The following CAST variants were observed in gnomAD, a reference collection of about 807,000 sequenced individuals.
The protein encoded by CAST is MIR583 host.
In CAST, 76 loss-of-function variants were observed where a neutral mutation model predicts 119.6. The ratio of observed to expected loss-of-function variants is 0.64; its 90% CI spans 0.53 to 0.77. The LOEUF (loss-of-function observed/expected upper bound fraction) is 0.77, where lower values mean the gene tolerates loss of function less well. CAST is among the 30% of genes least tolerant of loss of function. The probability of loss-of-function intolerance (pLI) is 0.00; values close to 1 mark genes in which losing one functional copy is unlikely to be tolerated. For synonymous variants in CAST, 319 were observed against 331.6 expected (o/e 0.96, Z 0.41); for missense variants, 953 against 946.5 (o/e 1.01, Z -0.09).
At chr5:96,408,139 AC>A in the CAST span, 1 of 954,012 alleles carries the variant, frequency 1.0e-6, no homozygotes, top group Non-Finnish European at 1.7e-6. Context: ...TTCTCCTGTA[AC>A]CATGTATTCA....
At chr5:96,061,681 A>G in the CAST span, among the ~76,000 whole-genome samples, 1 of 151,518 alleles carries the variant, frequency 6.6e-6, no homozygotes, top group East Asian at 1.9e-4. Context: ...GTGTGTGTGT[A>G]AAGAGAAGTA....
At chr5:96,164,248 AAAG>A in the CAST span, among the ~76,000 whole-genome samples, 5 of 152,364 alleles carry the variant, frequency 3.3e-5, no homozygotes, top group African/African-American at 1.2e-4. Flanking sequence ...GAAAGAATAG[AAAG>A]AATAAAAGCA....
intron 1 of CAST, among the ~76,000 whole-genome samples, chr5:96,570,542 AAG>A (rs1340797825): frequency 6.6e-6 from 1 of 152,148 alleles, no homozygotes; most frequent in Non-Finnish European, 1.5e-5. Context: ...AATAGAGATG[AAG>A]AAGGGATGGA....
chr5:96,264,830 T>C, the CAST span, among the ~76,000 whole-genome samples: 2 of 152,262 alleles, frequency 1.3e-5, no homozygotes, highest in Non-Finnish European at 2.9e-5. Flanking sequence ...TGACTCCATG[T>C]ATGTGAGATT....
At chr5:96,392,786 A>G in the CAST span, 2 of 606,698 alleles carry the variant, frequency 3.3e-6, no homozygotes, top group Admixed American at 2.9e-5. Flanking sequence ...GACAGGAAAG[A>G]TGTGTTTTGA....
At chr5:96,348,865 A>G in the CAST span, among the ~76,000 whole-genome samples, 1 of 152,156 alleles carries the variant, frequency 6.6e-6, no homozygotes, top group Non-Finnish European at 1.5e-5. Context: ...TGCCACTTCT[A>G]TCAAAAGGGC....
At chr5:96,129,105 C>T in the CAST span, among the ~76,000 whole-genome samples, 14 of 152,068 alleles carry the variant, frequency 9.2e-5, no homozygotes, top group Admixed American at 8.5e-4. Flanking sequence ...ATTTTGCACT[C>T]TTCTCTATCC....
At chr5:96,292,825 A>G in the CAST span, among the ~76,000 whole-genome samples, 1 of 152,184 alleles carries the variant, frequency 6.6e-6, no homozygotes, top group East Asian at 1.9e-4. Context: ...AGGGATAGGG[A>G]GCGACACTTA....
chr5:96,068,591 T>TTATGTGTG, the CAST span, among the ~76,000 whole-genome samples: 18 of 120,284 alleles, frequency 1.5e-4, no homozygotes, highest in African/African-American at 5.8e-4. Context: ...ACCAATAGGA[T>TTATGTGTG]TATGTGTGTG....
the CAST span, among the ~76,000 whole-genome samples, chr5:96,479,977 G>T: frequency 6.6e-6 from 1 of 152,076 alleles, no homozygotes; most frequent in Non-Finnish European, 1.5e-5. Context: ...TCTGTGGGGA[G>T]AGGGGATTCT....
At chr5:96,677,394 G>C (rs1049331097) in intron 2 of CAST, among the ~76,000 whole-genome samples, 18 of 152,242 alleles carry the variant, frequency 1.2e-4, no homozygotes, top group Admixed American at 1.0e-3. Context: ...AGGCATTATT[G>C]GTATGTAACA....
chr5:96,610,206 T>C (rs1249176701), intron 1 of CAST, among the ~76,000 whole-genome samples: 2 of 152,214 alleles, frequency 1.3e-5, no homozygotes, highest in Non-Finnish European at 2.9e-5. Flanking sequence ...TCTTTATTTA[T>C]CTTCCACCAT....
chr5:96,400,302 AGTTAT>A, the CAST span: 1 of 748,842 alleles, frequency 1.3e-6, no homozygotes, highest in African/African-American at 1.7e-5. Context: ...TTGCTATTGT[AGTTAT>A]GTTATTCTAG....
chr5:96,242,684 T>A, the CAST span, among the ~76,000 whole-genome samples: 12 of 152,216 alleles, frequency 7.9e-5, no homozygotes, highest in Non-Finnish European at 1.6e-4. Flanking sequence ...AGTTTCTAAA[T>A]CTGAAGGTGA....
At chr5:96,705,907 C>T (rs1014239340) in intron 3 of CAST, among the ~76,000 whole-genome samples, 2 of 152,162 alleles carry the variant, frequency 1.3e-5, no homozygotes, top group South Asian at 2.1e-4. Context: ...TTGCCATGAA[C>T]ACTTTTCAAA....
intron 1 of CAST, chr5:96,662,955 CG>C: frequency 1.7e-6 from 1 of 595,204 alleles, no homozygotes; most frequent in Non-Finnish European, 3.0e-6. Flanking sequence ...CGAGGAGGGG[CG>C]GGGCCTGCGC....
chr5:96,013,287 A>G, the CAST span, among the ~76,000 whole-genome samples: 3 of 151,574 alleles, frequency 2.0e-5, no homozygotes, highest in Non-Finnish European at 4.4e-5. Flanking sequence ...ATAGACATAC[A>G]TATATAATGA....
At chr5:96,009,580 C>T in the CAST span, among the ~76,000 whole-genome samples, 2 of 152,048 alleles carry the variant, frequency 1.3e-5, no homozygotes, top group East Asian at 3.9e-4. Flanking sequence ...TATTTGCTGG[C>T]TACCTATATG....
rs149082468 is a variant in CAST at position 96,643,771 on chromosome 5, G to C, written c.61-31768G>C. On this transcript the variant is annotated intron_variant, in intron 1 of 11. Coordinates refer to the CAST transcript ENST00000505143. ...ACCTGTAATCCCAGCTACTTGGGAG[G>C]CTGAAGCAGGAGAATCGCTTGAACC... 5.3e-3 allele frequency among the ~76,000 whole-genome samples: 812 copies of C among 152,276 alleles called. 4 individuals are homozygous for C. Among genetic ancestry groups the C allele is most frequent in the African/African-American group, 0.018 (767 of 41,540 alleles).
Sources: allele counts gnomAD v4.1 joint callset (sites outside exome capture counted in the v4.1 genomes callset), GRCh38; gene constraint gnomAD v4.1.1; transcripts MANE v1.5; gene names NCBI Gene and HGNC (gene_info 2026-07-23, HGNC 2026-07-21).